NRG1: variants seen among roughly 807,000 people sequenced by gnomAD.
The protein encoded by NRG1 is neuregulin 1.
NRG1 carries 18 observed loss-of-function variants against 63.8 expected under a neutral mutation model. The ratio of observed to expected loss-of-function variants is 0.28; its 90% CI spans 0.19 to 0.42. The LOEUF (loss-of-function observed/expected upper bound fraction) is 0.42, where lower values mean the gene tolerates loss of function less well. Among genes scored for constraint, NRG1 ranks in the 10% least tolerant of loss-of-function variants. The pLI, the probability that NRG1 is intolerant of heterozygous loss-of-function variation, is 1.00. For missense variants in NRG1, 762 were observed against 814.7 expected, an observed-to-expected ratio of 0.94 and a Z score of 0.79; for synonymous variants, 302 against 301.3, an observed-to-expected ratio of 1.00 and a Z score of -0.02.
At chr8:31,831,128 G>A (rs1825115817) in intron 1 of NRG1, among the ~76,000 whole-genome samples, 1 of 150,956 alleles carries the variant, frequency 6.6e-6, no homozygotes, top group Non-Finnish European at 1.5e-5. Flanking sequence ...TTGAGACAGA[G>A]TCTCACTCTA....
chr8:32,590,432 C>T (rs1842325175), intron 1 of NRG1, among the ~76,000 whole-genome samples: 1 of 152,152 alleles, frequency 6.6e-6, no homozygotes, highest in African/African-American at 2.4e-5. Flanking sequence ...ATTCTCGGAA[C>T]ACCTCCTGCA....
At chr8:32,700,939 C>G (rs1255995390) in intron 5 of NRG1, among the ~76,000 whole-genome samples, 1 of 152,106 alleles carries the variant, frequency 6.6e-6, no homozygotes, top group Non-Finnish European at 1.5e-5. Flanking sequence ...CCCCTCCTGC[C>G]TCTGGGTCTT....
intron 1 of NRG1, among the ~76,000 whole-genome samples, chr8:32,001,058 C>A (rs1812837057): frequency 6.6e-6 from 1 of 152,186 alleles, no homozygotes; most frequent in South Asian, 2.1e-4. Context: ...AGTGAATTCT[C>A]ATTTCCCTCT....
At chr8:32,041,773 G>A (rs943182017) in intron 1 of NRG1, among the ~76,000 whole-genome samples, 1 of 152,174 alleles carries the variant, frequency 6.6e-6, no homozygotes, top group African/African-American at 2.4e-5. Flanking sequence ...TCTAGATAAA[G>A]AATTGGAAAG....
At chr8:31,898,719 C>T (rs1055723156) in intron 1 of NRG1, among the ~76,000 whole-genome samples, 4 of 151,970 alleles carry the variant, frequency 2.6e-5, no homozygotes, top group African/African-American at 2.4e-5. Flanking sequence ...TAAATAAATA[C>T]GTAAATATAA....
intron 1 of NRG1, among the ~76,000 whole-genome samples, chr8:32,267,211 A>T (rs1407963346): frequency 6.6e-6 from 1 of 150,786 alleles, no homozygotes; most frequent in East Asian, 1.9e-4. Flanking sequence ...AGGAAGGAAA[A>T]ATATTCTTTC....
intron 1 of NRG1, among the ~76,000 whole-genome samples, chr8:32,197,271 C>A (rs78470404): frequency 6.6e-6 from 1 of 152,092 alleles, no homozygotes; most frequent in Non-Finnish European, 1.5e-5. Flanking sequence ...CTAGAACATT[C>A]TTTCTTGGAA....
intron 5 of NRG1, chr8:32,647,710 G>A: frequency 6.5e-7 from 1 of 1,544,412 alleles, no homozygotes. Context: ...TCTTCTGGAG[G>A]TGAGCCGATG....
exon 1 of NRG1, chr8:32,548,810 G>A (rs776218703): frequency 1.3e-6 from 2 of 1,574,462 alleles, no homozygotes; most frequent in Non-Finnish European, 1.7e-6. Flanking sequence ...AGTCCGCGGC[G>A]GGCAGCCAGA....
chr8:32,223,647 C>T (rs1257313975), intron 1 of NRG1, among the ~76,000 whole-genome samples: 3 of 152,160 alleles, frequency 2.0e-5, no homozygotes, highest in Non-Finnish European at 4.4e-5. Flanking sequence ...TGCACCTCCT[C>T]AGCAGTGCTC....
At chr8:32,011,290 A>G (rs1814718439) in intron 1 of NRG1, among the ~76,000 whole-genome samples, 1 of 152,088 alleles carries the variant, frequency 6.6e-6, no homozygotes, top group Non-Finnish European at 1.5e-5. Flanking sequence ...TTTTCTTACA[A>G]TGACAGCCAA....
At chr8:31,658,209 T>G (rs549577754) in intron 1 of NRG1, among the ~76,000 whole-genome samples, 1 of 152,144 alleles carries the variant, frequency 6.6e-6, no homozygotes, top group Non-Finnish European at 1.5e-5. Flanking sequence ...ACATTTATAT[T>G]TCTCCAGGAA....
At chr8:32,287,594 C>G (rs990173998) in intron 1 of NRG1, 7 of 152,182 alleles carry the variant, frequency 4.6e-5, no homozygotes, top group Non-Finnish European at 1.0e-4. Flanking sequence ...AAAACCCAAG[C>G]CTGGAATTAC....
At chr8:31,736,732 A>C (rs1478358838) in intron 1 of NRG1, among the ~76,000 whole-genome samples, 1 of 152,158 alleles carries the variant, frequency 6.6e-6, no homozygotes, top group African/African-American at 2.4e-5. Context: ...ACTTTACACG[A>C]AGTAAACACA....
At chr8:32,188,587 C>T (rs559720413) in intron 1 of NRG1, among the ~76,000 whole-genome samples, 1 of 152,160 alleles carries the variant, frequency 6.6e-6, no homozygotes, top group East Asian at 1.9e-4. Context: ...CAATGTATTC[C>T]AAGGAGTCTT....
At chr8:31,986,561 A>T (rs547126978) in intron 1 of NRG1, among the ~76,000 whole-genome samples, 1 of 152,238 alleles carries the variant, frequency 6.6e-6, no homozygotes, top group South Asian at 2.1e-4. Flanking sequence ...GGAGCATGAA[A>T]TATTTCTTAG....
chr8:32,332,174 C>T (rs1473079685), intron 1 of NRG1, among the ~76,000 whole-genome samples: 2 of 151,966 alleles, frequency 1.3e-5, no homozygotes, highest in African/African-American at 4.8e-5. Flanking sequence ...TTATTCAAAC[C>T]CATAAGGAGT....
chr8:32,243,509 T>C (rs1342378543), intron 1 of NRG1, among the ~76,000 whole-genome samples: 1 of 151,980 alleles, frequency 6.6e-6, no homozygotes, highest in African/African-American at 2.4e-5. Context: ...TGATGAGCTC[T>C]GTAAAGACCC....
intron 5 of NRG1, among the ~76,000 whole-genome samples, chr8:32,636,708 G>T (rs1322281215): frequency 2.0e-5 from 3 of 152,118 alleles, no homozygotes; most frequent in Non-Finnish European, 4.4e-5. Context: ...AAATGGTATT[G>T]GGTGAGGGGA....
Sources: gnomAD v4.1 joint callset for allele counts (sites outside exome capture counted in the v4.1 genomes callset) on GRCh38, gnomAD v4.1.1 for gene constraint, MANE v1.5 for transcripts, NCBI Gene and HGNC (gene_info 2026-07-23, HGNC 2026-07-21) for gene names.